The following ERCC6 variants were observed in gnomAD, a reference collection of about 807,000 sequenced individuals.
ERCC6 encodes ERCC excision repair 6, chromatin remodeling factor.
Under a neutral mutation model 158.7 loss-of-function variants are expected in ERCC6, and 116 were observed. The observed-to-expected ratio is 0.73, with a 90% CI of 0.63 to 0.85. The LOEUF is 0.85. Ranked by LOEUF, ERCC6 falls within the 40% of genes least tolerant of loss-of-function variation. ERCC6 has a pLI of 0.00. For missense variants in ERCC6, 1,698 were observed against 1,799.4 expected (o/e 0.94, Z 1.02); for synonymous variants, 678 against 659.3 (o/e 1.03, Z -0.43).
the ERCC6 span, among the ~76,000 whole-genome samples, chr10:49,446,775 C>G: frequency 6.6e-6 from 1 of 152,184 alleles, no homozygotes; most frequent in African/African-American, 2.4e-5. Context: ...GATCGTGCCA[C>G]TGCACTTCAA....
chr10:49,515,496 T>C, intron 5 of ERCC6: 1 of 1,614,178 alleles, frequency 6.2e-7, no homozygotes, highest in Non-Finnish European at 8.5e-7. Context: ...GTTACGCTTC[T>C]GAGGTCTTCC....
chr10:49,479,529 A>G (rs1035437009), intron 10 of ERCC6, among the ~76,000 whole-genome samples: 2 of 152,214 alleles, frequency 1.3e-5, no homozygotes, highest in Admixed American at 6.5e-5. Context: ...CTCCTTAAAT[A>G]TATCATTCAG....
At position 49,473,689 on chromosome 10, in the gene ERCC6, G is replaced by A. The variant is rs944485111; in HGVS notation, c.2599-102C>T. On this transcript the variant is annotated intron_variant, in intron 13 of 20. Transcript: ENST00000355832. ...GTAACACCTTCCCCAACAGGCCTAT[G>A]TTAAAAGGAGTTTCTTGCTTTAGGA... 5 of 790,136 alleles carry A rather than the reference G, an allele frequency of 6.3e-6. No homozygotes were observed. In the African/African-American group the frequency reaches 8.4e-5, roughly 13 times the overall value. The allele number at this position is 790,136 out of a possible 1,614,324, so 48.9% of individuals were successfully genotyped here.
intron 18 of ERCC6, among the ~76,000 whole-genome samples, chr10:49,466,831 G>C (rs1168749564): frequency 6.6e-6 from 1 of 152,194 alleles, no homozygotes; most frequent in South Asian, 2.1e-4. Flanking sequence ...CTGTCGCACA[G>C]GCAGGAGTAC....
intron 4 of ERCC6, among the ~76,000 whole-genome samples, chr10:49,526,117 T>TATATATA (rs1837326508): frequency 4.4e-4 from 19 of 43,580 alleles, no homozygotes; most frequent in African/African-American, 9.5e-4. Context: ...TTATATATTT[T>TATATATA]TATATATATA....
chr10:49,520,847 G>C (rs1225283768), intron 5 of ERCC6, among the ~76,000 whole-genome samples: 2 of 152,162 alleles, frequency 1.3e-5, no homozygotes, highest in African/African-American at 4.8e-5. Flanking sequence ...GAACCCTGAG[G>C]AAATAATGTG....
intron 6 of ERCC6, chr10:49,504,834 T>G (rs984175345): frequency 8.5e-5 from 13 of 152,154 alleles, no homozygotes; most frequent in African/African-American, 3.1e-4. Context: ...CTTCACATCT[T>G]TAGAGTTTGG....
At chr10:49,523,338 T>C (rs1310858808) in intron 5 of ERCC6, among the ~76,000 whole-genome samples, 1 of 152,246 alleles carries the variant, frequency 6.6e-6, no homozygotes, top group Non-Finnish European at 1.5e-5. Flanking sequence ...TGTGGCAATA[T>C]GCAATTCAGA....
At chr10:49,519,582 G>A (rs4253062) in intron 5 of ERCC6, among the ~76,000 whole-genome samples, 150 of 152,248 alleles carry the variant, frequency 9.9e-4, no homozygotes, top group African/African-American at 3.3e-3. Context: ...GGAGACTCAG[G>A]CACCGCCTAC....
At chr10:49,464,498 G>A (rs117992505) in intron 18 of ERCC6, among the ~76,000 whole-genome samples, 1,823 of 152,332 alleles carry the variant, frequency 0.012, 13 homozygotes, top group Non-Finnish European at 0.017. Context: ...TTTGCATTAC[G>A]TAACGAGGAG....
At position 49,461,573 on chromosome 10, in the gene ERCC6, T is replaced by C. The variant is rs769371302; in HGVS notation, c.3779-17A>G. The C allele has an allele frequency of 2.9e-5, 47 of 1,605,428 alleles. No individual in the cohort carries two copies. The highest frequency in any genetic ancestry group is 2.0e-4 in the African/African-American group (15 of 74,820). Reference sequence around the variant, plus strand: ...GCACGCCAACTAGCAAGAAAAGAAATAGCAAAGTGATATTTCACTCTGTAT... The same window carrying C: ...GCACGCCAACTAGCAAGAAAAGAAACAGCAAAGTGATATTTCACTCTGTAT... On this transcript the variant is annotated splice_polypyrimidine_tract_variant and intron_variant, in intron 18 of 20. Coordinates refer to ENST00000355832, the MANE Select transcript of ERCC6 (RefSeq NM_000124.4).
Position 49,515,662 on chromosome 10 carries a change from T to C in ERCC6, c.1397+8371A>G, listed in dbSNP as rs750361952. 6.2e-6 allele frequency: 10 copies of C among 1,614,026 alleles called. No individual in the cohort carries two copies. The Admixed American group carries it at 1.5e-4, about 24-fold the overall frequency. ...AGTTCGAAACAGAACAAAAGAGGGC[T>C]TGAATACCATTTCTTTCCACGGATT... On this transcript the variant is annotated intron_variant, in intron 5 of 20. Coordinates refer to ENST00000355832, the MANE Select transcript of ERCC6 (RefSeq NM_000124.4).
chr10:49,479,895 T>G (rs111916305), intron 10 of ERCC6, among the ~76,000 whole-genome samples: 67 of 152,294 alleles, frequency 4.4e-4, no homozygotes, highest in African/African-American at 1.5e-3. Flanking sequence ...TTCAGCTAGA[T>G]TTCTCTACCA....
intron 6 of ERCC6, chr10:49,503,743 T>C (rs1851393388): frequency 6.6e-6 from 1 of 152,164 alleles, no homozygotes; most frequent in East Asian, 1.9e-4. Context: ...AATCTAGTTT[T>C]CAAAATTTTT....
chr10:49,494,144 G>T (rs4253126), intron 7 of ERCC6, among the ~76,000 whole-genome samples: 9,829 of 152,272 alleles, frequency 0.065, 432 homozygotes, highest in Middle Eastern at 0.11. Context: ...TGGGCCAGTG[G>T]TTAGAGGCAC....
At position 49,500,685 on chromosome 10, in the gene ERCC6, G is replaced by A; in HGVS notation, c.1538C>T (p.Thr513Ile). 1.2e-6 allele frequency: 2 copies of A among 1,613,728 alleles called. No individual in the cohort carries two copies. The highest frequency in any genetic ancestry group is 1.7e-6 in the Non-Finnish European group (2 of 1,179,816). ...CAATTCCCACAGCCACCTAACACCT[G>A]TCTGCTGGTACCTATGACAACAAAC... Reference protein sequence around the residue: ...LFKKLFKYQQTGVRWLWELHC... With the variant: ...LFKKLFKYQQIGVRWLWELHC... Residue 513 changes from threonine (T) to isoleucine (I), a missense_variant, in exon 7 of 21, where the codon ACA becomes ATA. Transcript: ENST00000355832.
chr10:49,473,618 A>G, intron 13 of ERCC6, 31 bp from the exon 14 acceptor site: 1 of 1,196,060 alleles, frequency 8.4e-7, no homozygotes, highest in Non-Finnish European at 1.3e-6. Context: ...GGAGTTTGCA[A>G]AGCAAATACA....
intron 8 of ERCC6, chr10:49,488,221 A>C (rs774918108): frequency 4.7e-6 from 1 of 213,052 alleles, no homozygotes; most frequent in African/African-American, 2.3e-5. Flanking sequence ...ATGGAGGCTC[A>C]AGAGACCAAT....
chr10:49,528,876 C>A (rs1452028652), intron 3 of ERCC6, among the ~76,000 whole-genome samples: 1 of 152,130 alleles, frequency 6.6e-6, no homozygotes, highest in Non-Finnish European at 1.5e-5. Context: ...TGGGCAAATC[C>A]CTAAACTACT....
Sources: gnomAD v4.1 joint callset for allele counts (sites outside exome capture counted in the v4.1 genomes callset) on GRCh38, gnomAD v4.1.1 for gene constraint, MANE v1.5 for transcripts, NCBI Gene and HGNC (gene_info 2026-07-23, HGNC 2026-07-21) for gene names.